LARGE1: variants seen among roughly 807,000 people sequenced by gnomAD.
LARGE1 encodes LARGE xylosyl- and glucuronyltransferase 1.
Under a neutral mutation model 87.6 loss-of-function variants are expected in LARGE1, and 43 were observed. The observed-to-expected ratio is 0.49, with a 90% confidence interval of 0.38 to 0.63. The LOEUF (loss-of-function observed/expected upper bound fraction) is 0.63, where lower values mean the gene tolerates loss of function less well. Among genes scored for constraint, LARGE1 ranks in the 30% least tolerant of loss-of-function variants. The probability of loss-of-function intolerance (pLI) is 0.00; values close to 1 mark genes in which losing one functional copy is unlikely to be tolerated. For missense variants in LARGE1, 802 were observed against 1,000.2 expected, an observed-to-expected ratio of 0.80 and a Z score of 2.67; for synonymous variants, 434 against 394.6, an observed-to-expected ratio of 1.10 and a Z score of -1.18.
intron 12 of LARGE1, among the ~76,000 whole-genome samples, chr22:33,299,824 C>T (rs796508510): frequency 1.6e-4 from 25 of 152,330 alleles, no homozygotes; most frequent in African/African-American, 5.8e-4. Context: ...TTTCGCCTGA[C>T]ATTTCTGAGA....
At chr22:33,681,081 T>TCA (rs2081754962) in intron 2 of LARGE1, among the ~76,000 whole-genome samples, 1 of 152,240 alleles carries the variant, frequency 6.6e-6, no homozygotes, top group Non-Finnish European at 1.5e-5. Flanking sequence ...TTTAATGTAC[T>TCA]ATACCTGCCA....
chr22:33,632,336 C>G (rs2149100447), intron 3 of LARGE1, among the ~76,000 whole-genome samples: 1 of 152,268 alleles, frequency 6.6e-6, no homozygotes, highest in East Asian at 1.9e-4. Flanking sequence ...GTTGCCCAAG[C>G]TGGTCTTGAA....
At chr22:33,905,661 A>G (rs1353373110) in intron 1 of LARGE1, among the ~76,000 whole-genome samples, 3 of 152,226 alleles carry the variant, frequency 2.0e-5, no homozygotes, top group African/African-American at 4.8e-5. Context: ...ACCAAGTTTC[A>G]ACACGTAAAA....
At chr22:33,652,304 T>C (rs546267449) in intron 2 of LARGE1, among the ~76,000 whole-genome samples, 165 of 152,278 alleles carry the variant, frequency 1.1e-3, no homozygotes, top group Non-Finnish European at 1.6e-3. Context: ...TATCTGGGCC[T>C]GTACACTCTC....
chr22:33,104,012 T>C, the LARGE1 span, among the ~76,000 whole-genome samples: 1 of 152,324 alleles, frequency 6.6e-6, no homozygotes, highest in South Asian at 2.1e-4. Context: ...CGTGAGTCCA[T>C]TAAACCTCTT....
At chr22:33,510,921 T>A (rs551814826) in intron 6 of LARGE1, among the ~76,000 whole-genome samples, 2 of 152,216 alleles carry the variant, frequency 1.3e-5, no homozygotes, top group African/African-American at 4.8e-5. Flanking sequence ...CCGTGCTACA[T>A]GCCCCAGGCT....
chr22:33,118,504 G>GT, the LARGE1 span, among the ~76,000 whole-genome samples: 1 of 80,456 alleles, frequency 1.2e-5, no homozygotes, highest in South Asian at 3.7e-4. Context: ...AAAGAAAAAA[G>GT]AAAAAAAAAA....
chr22:33,566,443 G>T (rs958875568), intron 5 of LARGE1, among the ~76,000 whole-genome samples: 1 of 152,202 alleles, frequency 6.6e-6, no homozygotes, highest in Non-Finnish European at 1.5e-5. Flanking sequence ...AAAAATAGCA[G>T]CAAGACATCA....
chr22:33,811,948 C>G (rs945910005), intron 1 of LARGE1, among the ~76,000 whole-genome samples: 3 of 152,156 alleles, frequency 2.0e-5, no homozygotes, highest in African/African-American at 7.2e-5. Flanking sequence ...CTGACCCGGG[C>G]TTAGCGCTCA....
At chr22:33,834,420 C>T (rs2063056624) in intron 1 of LARGE1, among the ~76,000 whole-genome samples, 1 of 152,186 alleles carries the variant, frequency 6.6e-6, no homozygotes, top group African/African-American at 2.4e-5. Context: ...GATGACATTA[C>T]CTTGTGAAAC....
intron 2 of LARGE1, among the ~76,000 whole-genome samples, chr22:33,702,420 A>G (rs1356127278): frequency 1.3e-5 from 2 of 152,220 alleles, no homozygotes; most frequent in Non-Finnish European, 2.9e-5. Context: ...CCTAGTTTTC[A>G]GGGCCTTGCC....
chr22:33,538,496 T>C (rs1463583830), intron 6 of LARGE1, among the ~76,000 whole-genome samples: 2 of 152,184 alleles, frequency 1.3e-5, no homozygotes, highest in African/African-American at 4.8e-5. Context: ...ATTACGAAGG[T>C]ACATTGTGCA....
At chr22:33,866,025 T>A (rs769923705) in intron 1 of LARGE1, among the ~76,000 whole-genome samples, 8 of 151,476 alleles carry the variant, frequency 5.3e-5, no homozygotes, top group Non-Finnish European at 1.0e-4. Flanking sequence ...ATTTTTGTAA[T>A]TTTAGTAGAG....
chr22:33,908,813 T>G (rs770274758), intron 1 of LARGE1, among the ~76,000 whole-genome samples: 2 of 152,098 alleles, frequency 1.3e-5, no homozygotes, highest in Non-Finnish European at 2.9e-5. Context: ...TACCGTAATC[T>G]CAAAGCAAGC....
chr22:33,513,097 G>A (rs745653486), intron 6 of LARGE1, among the ~76,000 whole-genome samples: 5 of 152,062 alleles, frequency 3.3e-5, no homozygotes, highest in South Asian at 4.1e-4. Flanking sequence ...GTGGAAGCAC[G>A]GCTGTCAGGA....
intron 11 of LARGE1, among the ~76,000 whole-genome samples, chr22:33,231,761 A>C (rs1219254258): frequency 6.6e-6 from 1 of 152,136 alleles, no homozygotes; most frequent in Non-Finnish European, 1.5e-5. Flanking sequence ...TGTACAATCC[A>C]AGTCTCCTGG....
intron 9 of LARGE1, among the ~76,000 whole-genome samples, chr22:33,341,552 T>C (rs1458160708): frequency 6.6e-6 from 1 of 152,172 alleles, no homozygotes; most frequent in Non-Finnish European, 1.5e-5. Flanking sequence ...GTTGGCTGGA[T>C]AAATACTGCT....
At chr22:33,356,753 A>G (rs904326040) in intron 9 of LARGE1, among the ~76,000 whole-genome samples, 18 of 152,148 alleles carry the variant, frequency 1.2e-4, no homozygotes, top group African/African-American at 4.3e-4. Flanking sequence ...TGGGCAATAG[A>G]GTGAGACTCC....
chr22:33,519,515 A>C (rs2071470896), intron 6 of LARGE1, among the ~76,000 whole-genome samples: 1 of 152,086 alleles, frequency 6.6e-6, no homozygotes, highest in Non-Finnish European at 1.5e-5. Context: ...CAGCCCCTGC[A>C]CTGGCTCCCG....
Sources: gnomAD v4.1 joint callset for allele counts (sites outside exome capture counted in the v4.1 genomes callset) on GRCh38, gnomAD v4.1.1 for gene constraint, MANE v1.5 for transcripts, NCBI Gene and HGNC (gene_info 2026-07-23, HGNC 2026-07-21) for gene names.